Variants in ANK3 observed in about 807,000 individuals in gnomAD.
ANK3 encodes ankyrin 3, also known as ankyrin-3.
ANK3 carries 57 observed loss-of-function variants against 370.9 expected under a neutral mutation model. The ratio of observed to expected loss-of-function variants is 0.15; its 90% CI spans 0.12 to 0.19. The LOEUF (loss-of-function observed/expected upper bound fraction) is 0.19. Ranked by LOEUF, ANK3 falls within the 10% of genes least tolerant of loss-of-function variation. ANK3 has a pLI of 1.00. For synonymous variants in ANK3, 1,929 were observed against 1,946.3 expected (o/e 0.99, Z 0.23); for missense variants, 4,439 against 5,302.1 (o/e 0.84, Z 5.06).
intron 25 of ANK3, among the ~76,000 whole-genome samples, chr10:60,121,486 G>GT (rs1293519091): frequency 6.6e-6 from 1 of 151,892 alleles, no homozygotes; most frequent in Non-Finnish European, 1.5e-5. Context: ...GAGCTCAGGA[G>GT]TTTAAGACCA....
chr10:60,081,797 G>T, intron 35 of ANK3: 1 of 176,904 alleles, frequency 5.7e-6, no homozygotes, highest in Non-Finnish European at 1.0e-5. Flanking sequence ...GTCATAGATA[G>T]AACTTCCTGG....
chr10:60,557,547 C>T (rs773097448), intron 2 of ANK3, among the ~76,000 whole-genome samples: 62 of 152,010 alleles, frequency 4.1e-4, no homozygotes, highest in Non-Finnish European at 7.5e-4. Flanking sequence ...GTTCTAGAAC[C>T]AAAGAGTGGT....
rs945510060 is a variant in ANK3 at position 60,208,303 on chromosome 10, C to T, written c.997-70G>A. 12 of 1,344,060 alleles carry T rather than the reference C, an allele frequency of 8.9e-6. No individual in the cohort carries two copies. In the African/African-American group the frequency reaches 1.7e-4, roughly 19 times the overall value. The allele number at this position is 1,344,060 out of a possible 1,614,324, so 83.3% of individuals were successfully genotyped here. On this transcript the variant is annotated intron_variant, in intron 9 of 43. Coordinates refer to ENST00000280772, the MANE Select transcript of ANK3 (RefSeq NM_020987.5). ...ACACAAATGTGCAGAACACAAAGTG[C>T]AAATATAAACAGATAAAAACTCCAG...
intron 1 of ANK3, among the ~76,000 whole-genome samples, chr10:60,309,400 T>G (rs1368884461): frequency 6.6e-6 from 1 of 152,248 alleles, no homozygotes; most frequent in Non-Finnish European, 1.5e-5. Context: ...GGGGCTCCAC[T>G]GAATGATAAT....
chr10:60,262,898 A>G (rs2097827789), intron 6 of ANK3, among the ~76,000 whole-genome samples: 1 of 152,156 alleles, frequency 6.6e-6, no homozygotes, highest in South Asian at 2.1e-4. Context: ...AGGATTCCTC[A>G]TCTCTTTCAA....
intron 2 of ANK3, among the ~76,000 whole-genome samples, chr10:60,444,022 G>T (rs967006821): frequency 6.6e-6 from 1 of 151,934 alleles, no homozygotes; most frequent in African/African-American, 2.4e-5. Flanking sequence ...CGCTTATGCA[G>T]ATTTTTTTAG....
In ANK3 at chr10:60,074,647, T is replaced by TTTG; in HGVS notation, c.6231_6233dup (p.His2077_Lys2078insAsn). On this transcript the variant is annotated inframe_insertion, in exon 37 of 44. Coordinates refer to ENST00000280772, the MANE Select transcript of ANK3 (RefSeq NM_020987.5). The stretch of plus-strand genomic sequence containing the variant: ...TCATGGAGGCTGGAGGCATTTTGAG[T>TTTG]TTGTGTTCCTGCAAAGCAATTGCTG... The TTTG allele has an allele frequency of 6.2e-7, 1 of 1,613,876 alleles. No homozygotes were observed. The highest frequency in any genetic ancestry group is 1.1e-5 in the South Asian group (1 of 90,966).
At chr10:60,365,198 C>T (rs2059230231) in intron 1 of ANK3, among the ~76,000 whole-genome samples, 1 of 151,168 alleles carries the variant, frequency 6.6e-6, no homozygotes, top group Non-Finnish European at 1.5e-5. Context: ...ATCTTTTAGC[C>T]TTTTCTGTTA....
chr10:60,716,525 T>C (rs1476146830), intron 1 of ANK3, among the ~76,000 whole-genome samples: 3 of 152,110 alleles, frequency 2.0e-5, no homozygotes, highest in South Asian at 2.1e-4. Context: ...AAAAAAAATT[T>C]AGGCAATTTA....
At chr10:60,092,979 G>A (rs145050257) in intron 28 of ANK3, among the ~76,000 whole-genome samples, 3,675 of 152,244 alleles carry the variant, frequency 0.024, 143 homozygotes, top group African/African-American at 0.084. Context: ...CAGGCAATCC[G>A]GCTGCCTTGG....
At chr10:60,229,955 C>T (rs886992714) in intron 8 of ANK3, among the ~76,000 whole-genome samples, 5 of 152,110 alleles carry the variant, frequency 3.3e-5, no homozygotes, top group African/African-American at 1.2e-4. Context: ...AGTGGCAACT[C>T]GCTAGAAAGG....
chr10:60,123,487 T>G (rs933622353), intron 25 of ANK3, among the ~76,000 whole-genome samples: 2 of 152,032 alleles, frequency 1.3e-5, no homozygotes, highest in Non-Finnish European at 2.9e-5. Context: ...AGAGGCAGGG[T>G]CAAGAAAGTG....
At chr10:60,279,896 G>C (rs1380451) in intron 1 of ANK3, among the ~76,000 whole-genome samples, 71,573 of 151,888 alleles carry the variant, frequency 0.47, 17,094 homozygotes, top group East Asian at 0.64. Flanking sequence ...TAAAGTATAG[G>C]CACCTTAAAT....
rs2077127510 is a variant in ANK3, at chr10:60,553,149, T to C, written c.96+62037A>G. Among the ~76,000 whole-genome samples, 3 of 152,158 alleles carry C rather than the reference T, an allele frequency of 2.0e-5. No homozygotes were observed. The South Asian group carries it at 6.2e-4, about 31-fold the overall frequency. On this transcript the variant is annotated intron_variant, in intron 2 of 43. Transcript: ENST00000373827. Reference sequence around the variant, plus strand: ...CAATTATTGAAATTTAATTACACCGTCTAAATGGCAAACTTCCCTAATACG... The same window carrying C: ...CAATTATTGAAATTTAATTACACCGCCTAAATGGCAAACTTCCCTAATACG...
intron 1 of ANK3, among the ~76,000 whole-genome samples, chr10:60,618,815 C>A (rs1158738154): frequency 6.6e-6 from 1 of 152,110 alleles, no homozygotes; most frequent in South Asian, 2.1e-4. Context: ...TCCTCTACAG[C>A]TCACCACATT....
intron 1 of ANK3, among the ~76,000 whole-genome samples, chr10:60,342,820 C>T (rs1193506498): frequency 6.6e-6 from 1 of 152,064 alleles, no homozygotes; most frequent in Non-Finnish European, 1.5e-5. Flanking sequence ...ATTGAGATAA[C>T]TTGTGAAAAA....
At chr10:60,262,775 C>A (rs545999444) in intron 6 of ANK3, among the ~76,000 whole-genome samples, 2 of 152,148 alleles carry the variant, frequency 1.3e-5, no homozygotes, top group African/African-American at 4.8e-5. Context: ...AAAAACGAGT[C>A]CTGGATGAGT....
intron 1 of ANK3, among the ~76,000 whole-genome samples, chr10:60,650,962 G>A (rs906512966): frequency 1.3e-5 from 2 of 152,096 alleles, no homozygotes; most frequent in Non-Finnish European, 2.9e-5. Flanking sequence ...CAGATGTGGT[G>A]GCACACACCT....
rs909329006 is a variant in ANK3 at position 60,372,218 on chromosome 10, T to C, written c.114+17207A>G. ...AAACAAAGTTCCCATGAAAATGGTCTGAATGGGCTCTCAACTGCCTTCTCC... is the reference window on the plus strand; with the variant it reads ...AAACAAAGTTCCCATGAAAATGGTCCGAATGGGCTCTCAACTGCCTTCTCC... On this transcript the variant is annotated intron_variant, in intron 1 of 43. Coordinates refer to ENST00000280772, the MANE Select transcript of ANK3 (RefSeq NM_020987.5). 2.6e-5 allele frequency among the ~76,000 whole-genome samples: 4 copies of C among 152,238 alleles called. No homozygotes were observed. In the South Asian group the frequency reaches 8.3e-4, roughly 31 times the overall value.
Sources: gnomAD v4.1 joint callset for allele counts (sites outside exome capture counted in the v4.1 genomes callset) on GRCh38, gnomAD v4.1.1 for gene constraint, MANE v1.5 for transcripts, NCBI Gene and HGNC (gene_info 2026-07-23, HGNC 2026-07-21) for gene names.